Variants in EBF3 observed in about 807,000 individuals in gnomAD.
The protein encoded by EBF3 is transcription factor COE3.
EBF3 carries 18 observed loss-of-function variants against 77.1 expected under a neutral mutation model. The observed-to-expected ratio is 0.23, with a 90% CI of 0.16 to 0.35. The LOEUF (loss-of-function observed/expected upper bound fraction) is 0.35. EBF3 is among the 10% of genes least tolerant of loss of function. The pLI is 1.00. For synonymous variants in EBF3, 350 were observed against 343.5 expected, an observed-to-expected ratio of 1.02 and a Z score of -0.21; for missense variants, 558 against 860.0, an observed-to-expected ratio of 0.65 and a Z score of 4.39.
At chr10:129,868,006 G>A (rs1852150162) in intron 8 of EBF3, 94 bp from the exon 9 acceptor site, 1 of 1,535,234 alleles carries the variant, frequency 6.5e-7, no homozygotes, top group Non-Finnish European at 8.8e-7. Context: ...GCCACCGCGG[G>A]AGGAGAGGCG....
At position 129,842,277 on chromosome 10, in the gene EBF3, C is replaced by T. The variant is rs563339851; in HGVS notation, c.1211G>A (p.Arg404Gln). 1.2e-6 allele frequency: 2 copies of T among 1,600,042 alleles called. No individual in the cohort carries two copies. Among genetic ancestry groups the T allele is most frequent in the Admixed American group, 1.7e-5 (1 of 59,058 alleles). The change falls in exon 13 of 17, where the codon CGA becomes CAA. Residue 404 changes from arginine to glutamine, a missense_variant. Transcript: ENST00000440978. The surrounding 1 kb of genome is among the most constrained non-coding windows in gnomAD (Gnocchi z 4.4). ...CAGCGCCTCGGCGATGTCCGCCGCT[C>T]GCTTCAAGATGATCTCCTGCAGCAG... The part of the protein sequence containing the change: ...PHNNQEIILK[R>Q]AADIAEALYS...
intron 6 of EBF3, among the ~76,000 whole-genome samples, chr10:129,917,681 T>TAAAAAAAAAAAAAAAAAAAAAAA (rs1239226466): frequency 7.1e-3 from 427 of 60,292 alleles, no homozygotes; most frequent in Middle Eastern, 0.011. Context: ...AAAAAAAAAC[T>TAAAAAAAAAAAAAAAAAAAAAAA]AAAACCAAGC....
intron 6 of EBF3, among the ~76,000 whole-genome samples, chr10:129,945,724 T>C (rs1858159527): frequency 6.6e-6 from 1 of 152,180 alleles, no homozygotes; most frequent in African/African-American, 2.4e-5. Context: ...AATTACTGCT[T>C]CCCTGGATCA....
Position 129,947,685 on chromosome 10 carries a change from G to GAA in EBF3, c.554+9571_554+9572dup, listed in dbSNP as rs199955197. Reference sequence around the variant, plus strand: ...TCTTTGCAAAGGAACCAAATGCTTTGAAAAAAAAAAAAAAAGAAGGGCAGG... The same window carrying GAA: ...TCTTTGCAAAGGAACCAAATGCTTTGAAAAAAAAAAAAAAAAAGAAGGGCAGG... On this transcript the variant is annotated intron_variant, in intron 6 of 16. Transcript: ENST00000440978. The surrounding 1 kb of genome is among the most constrained non-coding windows in gnomAD (Gnocchi z 4.5). Among the ~76,000 whole-genome samples the GAA allele has an allele frequency of 1.4e-4, 17 of 121,522 alleles. No homozygotes were observed. Among genetic ancestry groups the GAA allele is most frequent in the Admixed American group, 2.5e-4 (3 of 11,890 alleles). 79.7% of individuals were successfully genotyped at this position (121,522 alleles called of 152,430 possible).
intron 6 of EBF3, among the ~76,000 whole-genome samples, chr10:129,882,945 C>A (rs181386698): frequency 5.6e-4 from 85 of 152,314 alleles, no homozygotes; most frequent in Non-Finnish European, 1.1e-3. Flanking sequence ...TCCCTCTGGT[C>A]AAAGGAGAAA....
intron 6 of EBF3, among the ~76,000 whole-genome samples, chr10:129,918,707 G>A (rs910221744): frequency 1.3e-5 from 2 of 152,162 alleles, no homozygotes; most frequent in Admixed American, 6.5e-5. Context: ...GCCCAGATGC[G>A]CCTACACATC....
intron 10 of EBF3, among the ~76,000 whole-genome samples, chr10:129,849,818 T>A (rs1313724851): frequency 1.3e-5 from 2 of 152,216 alleles, no homozygotes; most frequent in Non-Finnish European, 2.9e-5. Flanking sequence ...TTGCCCTCTT[T>A]TTTCTTTGCA....
At chr10:129,959,327 AAGGAGCGAG>A (rs1271545755) in intron 4 of EBF3, among the ~76,000 whole-genome samples, 1 of 151,386 alleles carries the variant, frequency 6.6e-6, no homozygotes, top group East Asian at 2.0e-4. Context: ...GCCGGGGCGC[AAGGAGCGAG>A]AGCCCGCTGG....
rs201293804 is a variant in EBF3, at chr10:129,963,016, C to T, written c.292-11G>A. On this transcript the variant is annotated splice_polypyrimidine_tract_variant and intron_variant, in intron 2 of 16. Coordinates refer to ENST00000440978, the MANE Select transcript of EBF3 (RefSeq NM_001375380.1). This position sits in a 1 kb window ranked among gnomAD's most constrained non-coding sequence, Gnocchi z 7.1. ...CTCGTTGTTTGGCTCCTGAAAGTAA[C>T]GATAAATAATTGCATTTAGTGCGAT... The T allele has an allele frequency of 1.3e-4, 205 of 1,614,018 alleles. No individual in the cohort carries two copies. Among genetic ancestry groups the T allele is most frequent in the Non-Finnish European group, 8.6e-5 (101 of 1,180,010 alleles).
At chr10:129,860,899 C>T (rs528554869) in intron 10 of EBF3, among the ~76,000 whole-genome samples, 4 of 152,240 alleles carry the variant, frequency 2.6e-5, no homozygotes, top group Middle Eastern at 3.4e-3. Flanking sequence ...TCTAAATGTG[C>T]GATTTCTGTA....
chr10:129,848,325 C>G lies in EBF3; in HGVS notation c.1128+67G>C. ...CCCCCCTTCCCAGAGCACCTGCTGC[C>G]CCCAAACCAGAACCAGCCCAGTGGC... On this transcript the variant is annotated intron_variant, in intron 11 of 16. Transcript: ENST00000440978. The surrounding 1 kb of genome is among the most constrained non-coding windows in gnomAD (Gnocchi z 4.4). 1 of 1,511,426 alleles carries G rather than the reference C, an allele frequency of 6.6e-7. No individual in the cohort carries two copies. Among genetic ancestry groups the G allele is most frequent in the South Asian group, 1.1e-5 (1 of 89,060 alleles). 93.6% of individuals were successfully genotyped at this position (1,511,426 alleles called of 1,614,324 possible). A position where few individuals can be genotyped will look rare whatever the true frequency, so the allele number is the denominator to read the frequency against.
intron 11 of EBF3, among the ~76,000 whole-genome samples, chr10:129,844,132 C>A (rs1462476933): frequency 3.3e-5 from 5 of 152,200 alleles, no homozygotes; most frequent in Admixed American, 2.0e-4. Flanking sequence ...AGTGCTAGCA[C>A]AGAGGTGAAG....
At chr10:129,847,679 T>C (rs968559890) in intron 11 of EBF3, among the ~76,000 whole-genome samples, 3 of 152,234 alleles carry the variant, frequency 2.0e-5, no homozygotes, top group Non-Finnish European at 4.4e-5. Flanking sequence ...TTTTCAACTC[T>C]GCCTTGGAAA....
At chr10:129,914,474 G>A (rs1156239919) in intron 6 of EBF3, among the ~76,000 whole-genome samples, 1 of 152,132 alleles carries the variant, frequency 6.6e-6, no homozygotes, top group African/African-American at 2.4e-5. Flanking sequence ...CGCAGGGTGG[G>A]GAAGCCACTC....
At chr10:129,845,482 T>C (rs1477989793) in intron 11 of EBF3, 1 of 152,242 alleles carries the variant, frequency 6.6e-6, no homozygotes, top group Non-Finnish European at 1.5e-5. Context: ...CGACAGCGAT[T>C]TGAATATACA....
chr10:129,868,842 G>A (rs990620759), intron 8 of EBF3, among the ~76,000 whole-genome samples: 7 of 152,214 alleles, frequency 4.6e-5, no homozygotes, highest in Non-Finnish European at 8.8e-5. Context: ...ATGGCCTCTT[G>A]TACATGGGCT....
chr10:129,919,786 T>C (rs1856141116), intron 6 of EBF3, among the ~76,000 whole-genome samples: 1 of 152,130 alleles, frequency 6.6e-6, no homozygotes, highest in Non-Finnish European at 1.5e-5. Flanking sequence ...AGAGTCTCCT[T>C]CCTGGTGGCC....
intron 6 of EBF3, among the ~76,000 whole-genome samples, chr10:129,933,152 C>T (rs573391919): frequency 2.0e-5 from 3 of 152,326 alleles, no homozygotes; most frequent in East Asian, 1.9e-4. Flanking sequence ...GATTCCGCCA[C>T]GGTGATCATA....
intron 6 of EBF3, among the ~76,000 whole-genome samples, chr10:129,898,795 T>C (rs1199391832): frequency 6.6e-6 from 1 of 152,180 alleles, no homozygotes; most frequent in Non-Finnish European, 1.5e-5. Flanking sequence ...CTTAGACCCC[T>C]CATTTCTCAA....
Sources: gnomAD v4.1 joint callset for allele counts (sites outside exome capture counted in the v4.1 genomes callset) on GRCh38, gnomAD v4.1.1 for gene constraint, Gnocchi (gnomAD v3.1) non-coding constraint, MANE v1.5 for transcripts, NCBI Gene and HGNC (gene_info 2026-07-23, HGNC 2026-07-21) for gene names.